ZMAT4: variants seen among roughly 807,000 people sequenced by gnomAD.
ZMAT4 encodes zinc finger matrin-type 4.
Under a neutral mutation model 28.7 loss-of-function variants are expected in ZMAT4, and 17 were observed. The ratio of observed to expected loss-of-function variants is 0.59; its 90% confidence interval spans 0.41 to 0.89. The LOEUF is 0.89. Ranked by LOEUF, ZMAT4 falls within the 40% of genes least tolerant of loss-of-function variation. The pLI, the probability that ZMAT4 is intolerant of heterozygous loss-of-function variation, is 0.00. For synonymous variants in ZMAT4, 117 were observed against 109.2 expected, an observed-to-expected ratio of 1.07 and a Z score of -0.44; for missense variants, 240 against 283.8, an observed-to-expected ratio of 0.85 and a Z score of 1.11.
rs201231430 is a variant in ZMAT4 at position 40,799,063 on chromosome 8, T to TTGGC, written c.102+26508_102+26511dup. 4.3e-3 allele frequency among the ~76,000 whole-genome samples: 633 copies of TTGGC among 146,240 alleles called. 3 individuals are homozygous for TTGGC. The highest frequency in any genetic ancestry group is 6.8e-3 in the Admixed American group (102 of 14,954). On this transcript the variant is annotated intron_variant, in intron 2 of 6. Coordinates refer to ENST00000297737, the MANE Select transcript of ZMAT4 (RefSeq NM_024645.3). ...GATAGATGGCTGGCTGGCTGGCTGG[T>TTGGC]TGGCTGGCTGGCTGGCTGGATGGAT...
At chr8:40,829,056 A>C (rs998875565) in intron 1 of ZMAT4, among the ~76,000 whole-genome samples, 2 of 152,096 alleles carry the variant, frequency 1.3e-5, no homozygotes, top group African/African-American at 4.8e-5. Context: ...GCCACTGATC[A>C]CTTACTGGTC....
intron 5 of ZMAT4, among the ~76,000 whole-genome samples, chr8:40,598,600 A>T (rs1344583029): frequency 6.6e-6 from 1 of 152,082 alleles, no homozygotes; most frequent in African/African-American, 2.4e-5. Context: ...TATTTTCTTT[A>T]TCCAATCTAT....
At chr8:40,760,904 C>T (rs996757713) in intron 3 of ZMAT4, among the ~76,000 whole-genome samples, 5 of 152,094 alleles carry the variant, frequency 3.3e-5, no homozygotes, top group African/African-American at 1.2e-4. Context: ...CAATCCTGAA[C>T]CCGATACTGC....
rs1563487455 is a variant in ZMAT4 at position 40,792,493 on chromosome 8, AAGGAAGGAAGG to A, written c.103-24774_103-24764del. On this transcript the variant is annotated intron_variant, in intron 2 of 6. Transcript: ENST00000297737. Reference sequence around the variant, plus strand: ...GTATTCAGGAAGGAAGGAAGGAAGGAAGGAAGGAAGGAAGGAAGGAAGGAAGGAAGGAAGGA... The same window carrying A: ...GTATTCAGGAAGGAAGGAAGGAAGGAAAGGAAGGAAGGAAGGAAGGAAGGA... 3.1e-3 allele frequency among the ~76,000 whole-genome samples: 74 copies of A among 24,122 alleles called. 2 individuals are homozygous for A. The highest frequency in any genetic ancestry group is 9.4e-3 in the African/African-American group (61 of 6,512). The allele number at this position is 24,122 out of a possible 152,430, so 15.8% of individuals were successfully genotyped here.
At chr8:40,601,440 G>A (rs1193897440) in intron 5 of ZMAT4, among the ~76,000 whole-genome samples, 5 of 106,868 alleles carry the variant, frequency 4.7e-5, no homozygotes, top group African/African-American at 1.1e-4. Context: ...AAGGAAGGAA[G>A]GAAGGAAGGA....
intron 1 of ZMAT4, among the ~76,000 whole-genome samples, chr8:40,881,291 A>C (rs1818212235): frequency 6.6e-6 from 1 of 151,664 alleles, no homozygotes; most frequent in South Asian, 2.1e-4. Context: ...GAGGAGGCTG[A>C]GGCAGGAGAA....
At chr8:40,775,157 T>C (rs1813539012) in intron 2 of ZMAT4, among the ~76,000 whole-genome samples, 1 of 152,218 alleles carries the variant, frequency 6.6e-6, no homozygotes, top group Non-Finnish European at 1.5e-5. Context: ...ATTGAGCATG[T>C]GAAGGAAAGA....
At chr8:40,811,855 G>C (rs1815331266) in intron 2 of ZMAT4, among the ~76,000 whole-genome samples, 1 of 152,136 alleles carries the variant, frequency 6.6e-6, no homozygotes, top group Non-Finnish European at 1.5e-5. Context: ...GCCGGACCAG[G>C]CACAGTGGCT....
Position 40,885,948 on chromosome 8 carries a change from C to T in ZMAT4, c.-5+11735G>A, listed in dbSNP as rs2150667487. On this transcript the variant is annotated intron_variant, in intron 1 of 6. Coordinates refer to ENST00000297737, the MANE Select transcript of ZMAT4 (RefSeq NM_024645.3). ...GCTTATGTGTTTGCCGTCCATCTCC[C>T]CCACTTGAATCTAAGCTCTGAGAGG... Among the ~76,000 whole-genome samples the T allele has an allele frequency of 2.0e-5, 3 of 152,334 alleles. No homozygotes were observed. In the Middle Eastern group the frequency reaches 0.01, roughly 518 times the overall value.
rs77706927 is a variant in ZMAT4 at position 40,760,048 on chromosome 8, T to G, written c.192+7593A>C. Among the ~76,000 whole-genome samples, 1,447 of 152,216 alleles carry G rather than the reference T, an allele frequency of 9.5e-3. 24 individuals carry two copies. The highest frequency in any genetic ancestry group is 0.034 in the African/African-American group (1,397 of 41,528). ...CTCTGCTTTCCCACGGTCCCTGAAC[T>G]TTGTCCCACTCTTATGCTTGTGCGA... On this transcript the variant is annotated intron_variant, in intron 3 of 6. Transcript: ENST00000297737.
intron 3 of ZMAT4, among the ~76,000 whole-genome samples, chr8:40,712,813 A>C (rs1563429319): frequency 6.6e-6 from 1 of 152,220 alleles, no homozygotes; most frequent in Non-Finnish European, 1.5e-5. Context: ...GCATTGCCCC[A>C]GAAGCAGTGC....
chr8:40,631,279 T>A (rs954076987), intron 5 of ZMAT4, among the ~76,000 whole-genome samples: 2 of 152,200 alleles, frequency 1.3e-5, no homozygotes, highest in Admixed American at 1.3e-4. Context: ...TGCCTCAGCC[T>A]CCCGAGTAGT....
intron 5 of ZMAT4, among the ~76,000 whole-genome samples, chr8:40,654,621 T>A (rs996749115): frequency 2.6e-5 from 4 of 152,150 alleles, no homozygotes; most frequent in African/African-American, 9.6e-5. Flanking sequence ...TATAACCAAG[T>A]GGAAGTTACA....
chr8:40,811,810 C>T (rs540305664), intron 2 of ZMAT4, among the ~76,000 whole-genome samples: 6 of 152,270 alleles, frequency 3.9e-5, no homozygotes, highest in Non-Finnish European at 7.4e-5. Context: ...GAGATTCACA[C>T]CCCAATGTCA....
intron 6 of ZMAT4, among the ~76,000 whole-genome samples, chr8:40,539,573 G>T (rs557622049): frequency 6.6e-6 from 1 of 152,250 alleles, no homozygotes; most frequent in South Asian, 2.1e-4. Context: ...ATTTCATTTA[G>T]CCTCAGTTTA....
chr8:40,807,294 T>A (rs942397705), intron 2 of ZMAT4, among the ~76,000 whole-genome samples: 1 of 151,854 alleles, frequency 6.6e-6, no homozygotes, highest in African/African-American at 2.4e-5. Context: ...ATACAAAAAT[T>A]AGCCGGGCAT....
chr8:40,799,409 A>T (rs899307153), intron 2 of ZMAT4, among the ~76,000 whole-genome samples: 1 of 152,200 alleles, frequency 6.6e-6, no homozygotes, highest in Non-Finnish European at 1.5e-5. Context: ...ATGTGTAGAC[A>T]GAGACAGACA....
At chr8:40,812,883 A>T (rs1423245826) in intron 2 of ZMAT4, among the ~76,000 whole-genome samples, 4 of 152,012 alleles carry the variant, frequency 2.6e-5, no homozygotes, top group African/African-American at 9.7e-5. Context: ...CAGTGAGCCG[A>T]GATTGTGCCA....
At chr8:40,715,442 C>T (rs1257830383) in intron 3 of ZMAT4, among the ~76,000 whole-genome samples, 21 of 152,222 alleles carry the variant, frequency 1.4e-4, no homozygotes, top group Non-Finnish European at 1.3e-4. Flanking sequence ...AGAGTAGAAA[C>T]AAAACCTGAA....
Sources: gnomAD v4.1 joint callset for allele counts (sites outside exome capture counted in the v4.1 genomes callset) on GRCh38, gnomAD v4.1.1 for gene constraint, MANE v1.5 for transcripts, NCBI Gene and HGNC (gene_info 2026-07-23, HGNC 2026-07-21) for gene names.